Variants in SLC16A2 observed in about 807,000 individuals in gnomAD.
SLC16A2 encodes solute carrier family 16 member 2.
Under a neutral mutation model 27.2 loss-of-function variants are expected in SLC16A2, and 3 were observed. That is an observed-to-expected ratio of 0.11 (90% confidence interval 0.05 to 0.28). The LOEUF (loss-of-function observed/expected upper bound fraction) is 0.28, where lower values mean the gene tolerates loss of function less well. Among genes scored for constraint, SLC16A2 ranks in the 10% least tolerant of loss-of-function variants. The pLI is 1.00. For synonymous variants in SLC16A2, 202 were observed against 187.8 expected (o/e 1.08, Z -0.62); for missense variants, 295 against 458.5 (o/e 0.64, Z 3.26).
chrX:74,496,860 C>T (rs1223152469), intron 1 of SLC16A2, among the ~76,000 whole-genome samples: 4 of 111,989 alleles, frequency 3.6e-5, no homozygotes, highest in Non-Finnish European at 5.6e-5. Flanking sequence ...GGCTCTCCTC[C>T]GAGTGTCCCA....
At chrX:74,458,285 G>A (rs1326798390) in intron 1 of SLC16A2, among the ~76,000 whole-genome samples, 2 of 112,107 alleles carry the variant, frequency 1.8e-5, no homozygotes, top group African/African-American at 6.5e-5. Context: ...CCACAACCAA[G>A]TTAATTAACA....
intron 1 of SLC16A2, among the ~76,000 whole-genome samples, chrX:74,477,389 A>T (rs1305814070): frequency 5.4e-5 from 6 of 110,463 alleles, no homozygotes; most frequent in Non-Finnish European, 1.1e-4. Context: ...TTATTAGTCT[A>T]GCTAGCGGTC....
intron 1 of SLC16A2, among the ~76,000 whole-genome samples, chrX:74,488,990 T>G (rs1929774512): frequency 8.9e-6 from 1 of 112,041 alleles, no homozygotes; most frequent in Non-Finnish European, 1.9e-5. Flanking sequence ...TAATATTTAT[T>G]AATAACCTTA....
At chrX:74,456,868 T>C (rs933857644) in intron 1 of SLC16A2, among the ~76,000 whole-genome samples, 2 of 111,758 alleles carry the variant, frequency 1.8e-5, no homozygotes, top group African/African-American at 6.5e-5. Flanking sequence ...CAAGTCTGAC[T>C]CCTTTGTTAT....
intron 1 of SLC16A2, among the ~76,000 whole-genome samples, chrX:74,427,811 G>GCGCGCACACA (rs1459240575): frequency 2.9e-5 from 3 of 101,726 alleles, no homozygotes; most frequent in African/African-American, 1.1e-4. Flanking sequence ...GCACGCGCGC[G>GCGCGCACACA]CACACACACA....
intron 1 of SLC16A2, among the ~76,000 whole-genome samples, chrX:74,477,692 A>G (rs1929512991): frequency 9.0e-6 from 1 of 111,684 alleles, no homozygotes; most frequent in East Asian, 2.8e-4. Context: ...CTTTGTTCTC[A>G]TTGGTTTCCA....
At chrX:74,529,016 T>C (rs1930525858) in intron 4 of SLC16A2, among the ~76,000 whole-genome samples, 197 bp from the exon 5 acceptor site, 1 of 112,231 alleles carries the variant, frequency 8.9e-6, no homozygotes, top group East Asian at 2.8e-4. Flanking sequence ...GTAGGGGCTT[T>C]CTTGGACTTT....
chrX:74,526,623 A>C (rs1930490201), intron 4 of SLC16A2, among the ~76,000 whole-genome samples: 1 of 112,224 alleles, frequency 8.9e-6, no homozygotes, highest in Non-Finnish European at 1.9e-5. Flanking sequence ...GGTCCATCCA[A>C]TCCAACCTCA....
chrX:74,427,811 GCACACACACACACA>G (rs35510872), intron 1 of SLC16A2, among the ~76,000 whole-genome samples: 3 of 101,726 alleles, frequency 2.9e-5, no homozygotes, highest in Admixed American at 1.1e-4. Context: ...GCACGCGCGC[GCACACACACACACA>G]CACACACACA....
At chrX:74,506,650 G>A (rs569062509) in intron 1 of SLC16A2, among the ~76,000 whole-genome samples, 4 of 111,190 alleles carry the variant, frequency 3.6e-5, no homozygotes, top group African/African-American at 1.3e-4. Flanking sequence ...CAGGTCTAGG[G>A]CAGAAGGGAG....
At chrX:74,428,591 C>CTA (rs1928464725) in intron 1 of SLC16A2, among the ~76,000 whole-genome samples, 6 of 110,976 alleles carry the variant, frequency 5.4e-5, no homozygotes, top group Non-Finnish European at 1.1e-4. Flanking sequence ...AGTCACAGGC[C>CTA]CACTCCTACA....
intron 1 of SLC16A2, among the ~76,000 whole-genome samples, chrX:74,507,587 GCAATATTCACAATAGCAAAGTTTA>G (rs1930157769): frequency 8.9e-6 from 1 of 112,108 alleles, no homozygotes; most frequent in Non-Finnish European, 1.9e-5. Flanking sequence ...GTTTATTACA[GCAATATTCACAATAGCAAAGTTTA>G]CAATATTCAC....
chrX:74,506,945 T>A lies in SLC16A2; in HGVS notation c.431-14045T>A, dbSNP rs200840130. Among the ~76,000 whole-genome samples, 5 of 99,856 alleles carry A rather than the reference T, an allele frequency of 5.0e-5. No individual in the cohort carries two copies. In the South Asian group the frequency reaches 1.8e-3, roughly 36 times the overall value. 86.7% of individuals were successfully genotyped at this position (99,856 alleles called of 115,157 possible). On this transcript the variant is annotated intron_variant, in intron 1 of 5. Coordinates refer to ENST00000587091, the MANE Select transcript of SLC16A2 (RefSeq NM_006517.5). ...TATTTATTTATTTATTTATTTTTTT[T>A]TTTTTGAGGCAGGGTCTCGCTTTGT...
In SLC16A2 at chrX:74,524,461, C is replaced by T; in HGVS notation, c.678C>T (p.Arg226=). Residue 226 remains arginine (R), a synonymous_variant, in exon 3 of 6, where the codon CGC becomes CGT. Coordinates refer to ENST00000587091, the MANE Select transcript of SLC16A2 (RefSeq NM_006517.5). ...SLVILGHYFQ[R]RLGLANGVVS... Reference sequence around the variant, plus strand: ...TCATCCTGGGCCACTACTTTCAACGCCGCCTGGGTCTGGCCAATGGTGTGG... The same window carrying T: ...TCATCCTGGGCCACTACTTTCAACGTCGCCTGGGTCTGGCCAATGGTGTGG... 8.3e-7 allele frequency: 1 copy of T among 1,211,893 alleles called. No individual in the cohort carries two copies. Among genetic ancestry groups the T allele is most frequent in the South Asian group, 1.8e-5 (1 of 56,973 alleles).
chrX:74,473,157 T>C lies in SLC16A2; in HGVS notation c.431-47833T>C, dbSNP rs1929390549. 1.6e-5 allele frequency: 10 copies of C among 617,018 alleles called. No individual in the cohort carries two copies. The South Asian group carries it at 2.2e-4, about 13-fold the overall frequency. 50.8% of individuals were successfully genotyped at this position (617,018 alleles called of 1,213,427 possible). A position where few individuals can be genotyped will look rare whatever the true frequency, so the allele number is the denominator to read the frequency against. On this transcript the variant is annotated intron_variant, in intron 1 of 5. Transcript: ENST00000587091. Reference sequence around the variant, plus strand: ...TCCAAAGTTTCATGGGTCCATAATTTGAAGACTGATTGTTGTAACTGCCAA... The same window carrying C: ...TCCAAAGTTTCATGGGTCCATAATTCGAAGACTGATTGTTGTAACTGCCAA...
intron 1 of SLC16A2, among the ~76,000 whole-genome samples, chrX:74,478,599 A>T (rs1602123567): frequency 1.8e-5 from 2 of 111,687 alleles, no homozygotes; most frequent in Admixed American, 1.9e-4. Flanking sequence ...ACAATTTGGC[A>T]TGTTTTTGCA....
chrX:74,490,296 A>G (rs1323916426), intron 1 of SLC16A2, among the ~76,000 whole-genome samples: 2 of 110,429 alleles, frequency 1.8e-5, no homozygotes, highest in African/African-American at 3.3e-5. Flanking sequence ...CATAAAACCA[A>G]TGGAGTGCCC....
Position 74,510,571 on chromosome X carries a change from G to C in SLC16A2, c.431-10419G>C, listed in dbSNP as rs1930211202. On this transcript the variant is annotated intron_variant, in intron 1 of 5. Transcript: ENST00000587091. ...TCAGACTTGGCATGGGCACTCTTAA[G>C]TGTAGGTCTCTCTGTTTGACTCTGT... 3.6e-5 allele frequency among the ~76,000 whole-genome samples: 4 copies of C among 111,647 alleles called. No homozygotes were observed. In the South Asian group the frequency reaches 1.5e-3, roughly 42 times the overall value.
chrX:74,477,735 T>C (rs1164588851), intron 1 of SLC16A2, among the ~76,000 whole-genome samples: 1 of 112,273 alleles, frequency 8.9e-6, no homozygotes, highest in Non-Finnish European at 1.9e-5. Flanking sequence ...CATTTCGTTA[T>C]GTACCCAGTA....
Sources: gnomAD v4.1 joint callset for allele counts (sites outside exome capture counted in the v4.1 genomes callset) on GRCh38, gnomAD v4.1.1 for gene constraint, MANE v1.5 for transcripts, NCBI Gene and HGNC (gene_info 2026-07-23, HGNC 2026-07-21) for gene names.